MARCHF1: variants seen among roughly 807,000 people sequenced by gnomAD.
MARCHF1 encodes membrane associated ring-CH-type finger 1.
A neutral mutation model predicts 54.2 loss-of-function variants in MARCHF1; 40 were observed. The ratio of observed to expected loss-of-function variants is 0.74; its 90% CI spans 0.57 to 0.96. The LOEUF (loss-of-function observed/expected upper bound fraction) is 0.96. Among genes scored for constraint, MARCHF1 ranks in the 40% least tolerant of loss-of-function variants. The probability of loss-of-function intolerance (pLI) is 0.00; values close to 1 mark genes in which losing one functional copy is unlikely to be tolerated. For synonymous variants in MARCHF1, 236 were observed against 236.3 expected (o/e 1.00, Z 0.01); for missense variants, 586 against 656.5 (o/e 0.89, Z 1.17).
At chr4:163,918,804 A>AT (rs1751365287) in intron 3 of MARCHF1, among the ~76,000 whole-genome samples, 1 of 152,020 alleles carries the variant, frequency 6.6e-6, no homozygotes, top group South Asian at 2.1e-4. Context: ...AAAATGCATT[A>AT]TTTTTTCAAT....
intron 1 of MARCHF1, among the ~76,000 whole-genome samples, chr4:164,214,986 T>G (rs111905024): frequency 0.017 from 2,576 of 152,220 alleles, 64 homozygotes; most frequent in African/African-American, 0.054. Flanking sequence ...CGGCAGTGTC[T>G]AGGGGTGAAT....
chr4:163,950,852 GA>G (rs1218022422), intron 3 of MARCHF1, among the ~76,000 whole-genome samples: 1 of 152,216 alleles, frequency 6.6e-6, no homozygotes, highest in Admixed American at 6.5e-5. Context: ...TTGATCTAAA[GA>G]AATCCATTCT....
At position 163,864,072 on chromosome 4, in the gene MARCHF1, A is replaced by C. The variant is rs78802609; in HGVS notation, c.-38-9903T>G. Among the ~76,000 whole-genome samples the C allele has an allele frequency of 8.3e-3, 1,256 of 152,180 alleles. 10 individuals carry two copies. The highest frequency in any genetic ancestry group is 0.013 in the Non-Finnish European group (869 of 67,924). The stretch of plus-strand genomic sequence containing the variant: ...GGAGGAGAAAGACAGTCTCTTGTGC[A>C]GAACTGTCATTTCTCTGCTCAAAAG... On this transcript the variant is annotated intron_variant, in intron 3 of 9. Coordinates refer to ENST00000514618, the MANE Select transcript of MARCHF1 (RefSeq NM_001394959.1).
At chr4:163,941,580 G>T (rs545144942) in intron 3 of MARCHF1, among the ~76,000 whole-genome samples, 16 of 152,176 alleles carry the variant, frequency 1.1e-4, no homozygotes, top group African/African-American at 3.1e-4. Flanking sequence ...GTCCTTCTCA[G>T]TCCATACATA....
intron 3 of MARCHF1, among the ~76,000 whole-genome samples, chr4:163,925,106 G>GTTA (rs1391965932): frequency 5.9e-5 from 9 of 151,784 alleles, no homozygotes; most frequent in Non-Finnish European, 1.0e-4. Context: ...ACTTCTTATA[G>GTTA]ACCTTGTTAC....
intron 1 of MARCHF1, among the ~76,000 whole-genome samples, chr4:164,222,807 T>A (rs1389667237): frequency 6.6e-6 from 1 of 152,058 alleles, no homozygotes. Context: ...GAACTATGTA[T>A]CTGATAACAC....
intron 4 of MARCHF1, among the ~76,000 whole-genome samples, chr4:163,804,878 T>C (rs754815574): frequency 1.3e-5 from 2 of 152,226 alleles, no homozygotes; most frequent in Non-Finnish European, 2.9e-5. Flanking sequence ...CTCATTGTTC[T>C]TAGTCTCCTG....
chr4:164,015,507 A>G (rs1753520566), intron 2 of MARCHF1, among the ~76,000 whole-genome samples: 1 of 152,180 alleles, frequency 6.6e-6, no homozygotes. Context: ...CAATTAACAA[A>G]CTGAAAAGAC....
intron 3 of MARCHF1, among the ~76,000 whole-genome samples, chr4:163,937,766 C>T (rs1033272954): frequency 4.6e-5 from 7 of 152,088 alleles, no homozygotes; most frequent in Non-Finnish European, 7.4e-5. Flanking sequence ...ACTTATAATT[C>T]ACTAAAAGCA....
At chr4:164,065,183 G>A (rs781572200) in intron 2 of MARCHF1, among the ~76,000 whole-genome samples, 3 of 152,174 alleles carry the variant, frequency 2.0e-5, no homozygotes, top group African/African-American at 4.8e-5. Context: ...TTAGGGAGAA[G>A]TCCCTCCTTT....
chr4:164,057,586 A>G (rs925104371), intron 2 of MARCHF1, among the ~76,000 whole-genome samples: 6 of 152,126 alleles, frequency 3.9e-5, no homozygotes, highest in Admixed American at 3.3e-4. Context: ...TTCTTTTTAG[A>G]AGATGCAATT....
chr4:164,330,929 G>A (rs1204170104), intron 1 of MARCHF1, among the ~76,000 whole-genome samples: 1 of 152,126 alleles, frequency 6.6e-6, no homozygotes, highest in African/African-American at 2.4e-5. Context: ...TTCTGTAAAA[G>A]TGATTTTGAA....
intron 4 of MARCHF1, among the ~76,000 whole-genome samples, chr4:163,826,610 C>T (rs1269702891): frequency 1.3e-5 from 2 of 152,002 alleles, no homozygotes; most frequent in African/African-American, 2.4e-5. Flanking sequence ...AACCAACATA[C>T]ACTGTACTTC....
chr4:163,598,288 T>C (rs1740838082), intron 7 of MARCHF1, among the ~76,000 whole-genome samples: 1 of 152,236 alleles, frequency 6.6e-6, no homozygotes, highest in Non-Finnish European at 1.5e-5. Context: ...CCTTTTGCAA[T>C]GCCTGTCCTT....
At chr4:164,374,585 A>G (rs1578911041) in intron 1 of MARCHF1, among the ~76,000 whole-genome samples, 2 of 152,226 alleles carry the variant, frequency 1.3e-5, no homozygotes, top group South Asian at 2.1e-4. Flanking sequence ...ATCACTTCTT[A>G]AGACTCATCT....
intron 1 of MARCHF1, among the ~76,000 whole-genome samples, chr4:164,302,079 C>A (rs1482868197): frequency 2.0e-5 from 3 of 152,096 alleles, no homozygotes; most frequent in African/African-American, 7.2e-5. Flanking sequence ...CCTGTTTGAC[C>A]AATGGGCATT....
At chr4:163,817,180 A>T (rs1748555940) in intron 4 of MARCHF1, among the ~76,000 whole-genome samples, 1 of 151,652 alleles carries the variant, frequency 6.6e-6, no homozygotes, top group Non-Finnish European at 1.5e-5. Flanking sequence ...ATTACATCTC[A>T]CTCAAAATTA....
At chr4:164,235,774 G>A (rs1165374557) in intron 1 of MARCHF1, among the ~76,000 whole-genome samples, 1 of 151,902 alleles carries the variant, frequency 6.6e-6, no homozygotes, top group African/African-American at 2.4e-5. Context: ...AAAAAAACCA[G>A]TACACATTAG....
intron 2 of MARCHF1, among the ~76,000 whole-genome samples, chr4:164,017,627 A>G (rs115271369): frequency 0.014 from 2,129 of 152,028 alleles, 44 homozygotes; most frequent in African/African-American, 0.045. Context: ...CTAGCCACTG[A>G]AAACTACAAA....
Sources: allele counts gnomAD v4.1 joint callset (sites outside exome capture counted in the v4.1 genomes callset), GRCh38; gene constraint gnomAD v4.1.1; transcripts MANE v1.5; gene names NCBI Gene and HGNC (gene_info 2026-07-23, HGNC 2026-07-21).